The following NKAIN2 variants were observed in gnomAD, a reference collection of about 807,000 sequenced individuals.
NKAIN2 encodes sodium/potassium transporting ATPase interacting 2, also known as sodium/potassium-transporting ATPase subunit beta-1-interacting protein 2.
NKAIN2 carries 14 observed loss-of-function variants against 32.6 expected under a neutral mutation model. That is an observed-to-expected ratio of 0.43 (90% CI 0.28 to 0.67). The LOEUF (loss-of-function observed/expected upper bound fraction) is 0.67, where lower values mean the gene tolerates loss of function less well. Among genes scored for constraint, NKAIN2 ranks in the 30% least tolerant of loss-of-function variants. The probability of loss-of-function intolerance (pLI) is 0.17; values close to 1 mark genes in which losing one functional copy is unlikely to be tolerated. For missense variants in NKAIN2, 198 were observed against 258.3 expected, an observed-to-expected ratio of 0.77 and a Z score of 1.60; for synonymous variants, 80 against 87.2, an observed-to-expected ratio of 0.92 and a Z score of 0.46.
intron 1 of NKAIN2, among the ~76,000 whole-genome samples, chr6:124,213,267 G>A (rs774935827): frequency 1.5e-4 from 23 of 151,872 alleles, no homozygotes; most frequent in Non-Finnish European, 3.2e-4. Context: ...AATTTATTGA[G>A]GACAGATTCT....
At chr6:124,652,631 G>C (rs2114402728) in intron 3 of NKAIN2, among the ~76,000 whole-genome samples, 1 of 152,124 alleles carries the variant, frequency 6.6e-6, no homozygotes, top group South Asian at 2.1e-4. Flanking sequence ...CTGGAGGCTG[G>C]GCACTCTAAA....
At chr6:124,242,337 C>T (rs1223371450) in intron 1 of NKAIN2, among the ~76,000 whole-genome samples, 1 of 152,048 alleles carries the variant, frequency 6.6e-6, no homozygotes, top group African/African-American at 2.4e-5. Flanking sequence ...ATCAAAACCC[C>T]AATGAGATAC....
intron 1 of NKAIN2, among the ~76,000 whole-genome samples, chr6:123,838,000 A>G (rs1021632235): frequency 1.6e-4 from 24 of 152,298 alleles, no homozygotes; most frequent in African/African-American, 5.5e-4. Context: ...ATACCTTGGT[A>G]GTAGGATCTT....
At chr6:123,978,328 A>G (rs920559691) in intron 1 of NKAIN2, among the ~76,000 whole-genome samples, 1 of 152,178 alleles carries the variant, frequency 6.6e-6, no homozygotes, top group African/African-American at 2.4e-5. Flanking sequence ...TGCTGTGTGT[A>G]CCACTTTCCC....
At chr6:123,886,549 C>G (rs566860242) in intron 1 of NKAIN2, among the ~76,000 whole-genome samples, 1 of 152,214 alleles carries the variant, frequency 6.6e-6, no homozygotes, top group East Asian at 1.9e-4. Flanking sequence ...TTTCCTACAA[C>G]AAGCATGTTA....
At chr6:123,994,477 A>T (rs1425859511) in intron 1 of NKAIN2, among the ~76,000 whole-genome samples, 1 of 152,092 alleles carries the variant, frequency 6.6e-6, no homozygotes, top group Non-Finnish European at 1.5e-5. Flanking sequence ...CCACTTTATC[A>T]TAGGTCATGT....
intron 1 of NKAIN2, among the ~76,000 whole-genome samples, chr6:124,118,243 T>C (rs1785711000): frequency 6.6e-6 from 1 of 152,060 alleles, no homozygotes; most frequent in Non-Finnish European, 1.5e-5. Flanking sequence ...AGAGGAGGTA[T>C]GGCTAAAAAT....
chr6:124,092,604 TC>T (rs1390523651), intron 1 of NKAIN2, among the ~76,000 whole-genome samples: 1 of 152,078 alleles, frequency 6.6e-6, no homozygotes, highest in African/African-American at 2.4e-5. Flanking sequence ...TTAATCAACT[TC>T]AGAGTGACCT....
intron 2 of NKAIN2, among the ~76,000 whole-genome samples, chr6:124,347,374 G>T (rs1413459163): frequency 1.3e-5 from 2 of 151,978 alleles, no homozygotes; most frequent in East Asian, 1.9e-4. Flanking sequence ...GAATCTGAAT[G>T]TTGGCCTGCC....
chr6:124,707,543 T>A (rs1329472045), intron 4 of NKAIN2, among the ~76,000 whole-genome samples: 1 of 127,948 alleles, frequency 7.8e-6, no homozygotes, highest in Non-Finnish European at 1.7e-5. Flanking sequence ...TTAACTGGTG[T>A]GAGATGCTAT....
chr6:124,645,841 T>G (rs1784148841), intron 3 of NKAIN2, among the ~76,000 whole-genome samples: 1 of 152,192 alleles, frequency 6.6e-6, no homozygotes, highest in Non-Finnish European at 1.5e-5. Context: ...TTTGCTCTGT[T>G]CACTCCTTCA....
At chr6:124,107,221 T>C (rs1785164487) in intron 1 of NKAIN2, among the ~76,000 whole-genome samples, 1 of 152,204 alleles carries the variant, frequency 6.6e-6, no homozygotes. Flanking sequence ...AGTGAGGCCG[T>C]ACCCGCAGAG....
chr6:123,936,123 A>G (rs1320307003), intron 1 of NKAIN2, among the ~76,000 whole-genome samples: 1 of 152,196 alleles, frequency 6.6e-6, no homozygotes, highest in Non-Finnish European at 1.5e-5. Flanking sequence ...GAAAAGCTCA[A>G]TACAGTGTCT....
chr6:123,985,969 G>A (rs1383784140), intron 1 of NKAIN2, among the ~76,000 whole-genome samples: 2 of 152,176 alleles, frequency 1.3e-5, no homozygotes, highest in East Asian at 3.8e-4. Context: ...TAGTGTGTAA[G>A]AGGGGATATT....
Position 124,053,104 on chromosome 6 carries a change from A to G in NKAIN2, c.55-229901A>G, listed in dbSNP as rs576176459. 3.9e-5 allele frequency among the ~76,000 whole-genome samples: 6 copies of G among 152,164 alleles called. No homozygotes were observed. In the East Asian group the frequency reaches 1.2e-3, roughly 29 times the overall value. ...TTATTTTATTATTATATTTTAACTT[A>G]TATTTTAATTTCAGGGGTCAATGTG... On this transcript the variant is annotated intron_variant, in intron 1 of 6. Transcript: ENST00000368417.
At chr6:124,422,285 C>A (rs1774790375) in intron 3 of NKAIN2, among the ~76,000 whole-genome samples, 1 of 151,696 alleles carries the variant, frequency 6.6e-6, no homozygotes, top group African/African-American at 2.4e-5. Flanking sequence ...AAGTAAGTTA[C>A]CAAATTGAAA....
chr6:123,883,523 G>A (rs1471353109), intron 1 of NKAIN2, among the ~76,000 whole-genome samples: 1 of 151,710 alleles, frequency 6.6e-6, no homozygotes, highest in Non-Finnish European at 1.5e-5. Flanking sequence ...TCCTGCTCCA[G>A]CCATGTAAGA....
intron 1 of NKAIN2, among the ~76,000 whole-genome samples, chr6:124,003,847 G>A (rs767390382): frequency 6.6e-6 from 1 of 152,144 alleles, no homozygotes; most frequent in African/African-American, 2.4e-5. Context: ...GGTCTGCAAT[G>A]GGAAATACAG....
chr6:124,511,462 A>C (rs904166970), intron 3 of NKAIN2, among the ~76,000 whole-genome samples: 1 of 152,160 alleles, frequency 6.6e-6, no homozygotes, highest in Non-Finnish European at 1.5e-5. Context: ...CAAGGCAATT[A>C]AAAATAGAAA....
Sources: gnomAD v4.1 joint callset for allele counts (sites outside exome capture counted in the v4.1 genomes callset) on GRCh38, gnomAD v4.1.1 for gene constraint, MANE v1.5 for transcripts, NCBI Gene and HGNC (gene_info 2026-07-23, HGNC 2026-07-21) for gene names.